ADGRB3: variants seen among roughly 807,000 people sequenced by gnomAD.
ADGRB3 encodes the protein brain-specific angiogenesis inhibitor 3.
A neutral mutation model predicts 193.4 loss-of-function variants in ADGRB3; 37 were observed. The observed-to-expected ratio is 0.19, with a 90% CI of 0.15 to 0.25. ADGRB3 has a LOEUF of 0.25. Among genes scored for constraint, ADGRB3 ranks in the 10% least tolerant of loss-of-function variants. The pLI is 1.00. For synonymous variants in ADGRB3, 690 were observed against 644.2 expected, an observed-to-expected ratio of 1.07 and a Z score of -1.08; for missense variants, 1,637 against 1,852.9, an observed-to-expected ratio of 0.88 and a Z score of 2.14.
intron 3 of ADGRB3, among the ~76,000 whole-genome samples, chr6:68,918,207 G>T (rs776756432): frequency 6.6e-6 from 1 of 152,100 alleles, no homozygotes; most frequent in African/African-American, 2.4e-5. Flanking sequence ...TAGTGCTAAT[G>T]TCTCCTGTAA....
chr6:68,962,125 T>C (rs1768249857), intron 8 of ADGRB3, among the ~76,000 whole-genome samples: 1 of 152,176 alleles, frequency 6.6e-6, no homozygotes, highest in Non-Finnish European at 1.5e-5. Flanking sequence ...ATGTTCTATT[T>C]GTTCTTGCCA....
chr6:68,855,770 G>A (rs1438072148), intron 3 of ADGRB3, among the ~76,000 whole-genome samples: 6 of 152,090 alleles, frequency 3.9e-5, no homozygotes, highest in African/African-American at 1.4e-4. Context: ...TGTAATCCTA[G>A]CATTTCAGAA....
At chr6:68,921,042 G>T (rs1265637469) in intron 3 of ADGRB3, among the ~76,000 whole-genome samples, 1 of 151,904 alleles carries the variant, frequency 6.6e-6, no homozygotes, top group Admixed American at 6.6e-5. Context: ...AGGATATCTC[G>T]AGAAAAAAGT....
chr6:69,047,158 C>A (rs1247228381), intron 13 of ADGRB3, among the ~76,000 whole-genome samples: 1 of 152,160 alleles, frequency 6.6e-6, no homozygotes, highest in Non-Finnish European at 1.5e-5. Flanking sequence ...CGCACCCAGC[C>A]AATGAATTTT....
At chr6:68,991,858 A>C (rs1769247748) in intron 10 of ADGRB3, among the ~76,000 whole-genome samples, 1 of 152,186 alleles carries the variant, frequency 6.6e-6, no homozygotes, top group Non-Finnish European at 1.5e-5. Context: ...TCTCAGAGGA[A>C]ACATGGTAAG....
At chr6:68,658,720 A>G (rs931465790) in intron 3 of ADGRB3, among the ~76,000 whole-genome samples, 6 of 151,262 alleles carry the variant, frequency 4.0e-5, no homozygotes, top group African/African-American at 1.5e-4. Context: ...TGTTTTAGAA[A>G]AATTTAAATG....
chr6:69,361,848 A>G (rs1469430727), intron 29 of ADGRB3, among the ~76,000 whole-genome samples: 1 of 151,866 alleles, frequency 6.6e-6, no homozygotes, highest in Non-Finnish European at 1.5e-5. Flanking sequence ...ATAAATAAAT[A>G]ACAGGATTCT....
At chr6:68,998,356 A>C (rs952269027) in intron 11 of ADGRB3, among the ~76,000 whole-genome samples, 1 of 152,202 alleles carries the variant, frequency 6.6e-6, no homozygotes, top group Non-Finnish European at 1.5e-5. Flanking sequence ...TAAACCAAAA[A>C]AGTGTATAGC....
intron 3 of ADGRB3, among the ~76,000 whole-genome samples, chr6:68,745,406 C>T (rs1268582188): frequency 6.6e-6 from 1 of 151,976 alleles, no homozygotes; most frequent in African/African-American, 2.4e-5. Context: ...TTTATAGCAA[C>T]AGAAACAATG....
At chr6:68,841,815 C>A (rs1238051046) in intron 3 of ADGRB3, among the ~76,000 whole-genome samples, 1 of 151,952 alleles carries the variant, frequency 6.6e-6, no homozygotes, top group East Asian at 1.9e-4. Flanking sequence ...AAAATTAAAA[C>A]AATTGAACAA....
chr6:69,015,859 C>T (rs1770074631), intron 12 of ADGRB3, among the ~76,000 whole-genome samples: 2 of 151,668 alleles, frequency 1.3e-5, no homozygotes, highest in Admixed American at 1.3e-4. Context: ...AAAAAAACTA[C>T]ATTCTATAGA....
At chr6:68,990,718 T>A (rs1282887152) in intron 10 of ADGRB3, among the ~76,000 whole-genome samples, 3 of 152,164 alleles carry the variant, frequency 2.0e-5, no homozygotes, top group Admixed American at 1.3e-4. Context: ...GATGTTTTTG[T>A]TTGAGGATAT....
intron 17 of ADGRB3, among the ~76,000 whole-genome samples, chr6:69,150,185 C>G (rs750769977): frequency 6.6e-6 from 1 of 152,034 alleles, no homozygotes; most frequent in Non-Finnish European, 1.5e-5. Flanking sequence ...TGTATCTTTC[C>G]CTTCAGGGAA....
At chr6:69,093,746 T>C (rs374785456) in intron 17 of ADGRB3, among the ~76,000 whole-genome samples, 26 of 151,422 alleles carry the variant, frequency 1.7e-4, no homozygotes, top group African/African-American at 5.8e-4. Flanking sequence ...AAAGAGAGGG[T>C]GTGACAGCCT....
intron 3 of ADGRB3, among the ~76,000 whole-genome samples, chr6:68,828,306 A>G (rs1767887913): frequency 6.6e-6 from 1 of 152,172 alleles, no homozygotes; most frequent in East Asian, 1.9e-4. Context: ...TCAATATGCC[A>G]GTAAGTAGTT....
At chr6:68,986,805 T>C (rs955070347) in intron 10 of ADGRB3, among the ~76,000 whole-genome samples, 11 of 152,150 alleles carry the variant, frequency 7.2e-5, no homozygotes, top group Non-Finnish European at 2.9e-5. Context: ...TATATAAATA[T>C]GTGATGTTTA....
Position 68,668,907 on chromosome 6 carries a change from A to C in ADGRB3, c.757+29475A>C, listed in dbSNP as rs1361386125. On this transcript the variant is annotated intron_variant, in intron 3 of 31. Transcript: ENST00000370598. The stretch of plus-strand genomic sequence containing the variant: ...AAGTTGATCAGGTTCTCTTGTTACA[A>C]TAAGGAAAACTTTATAAAGTAATCA... Among the ~76,000 whole-genome samples the C allele has an allele frequency of 2.0e-5, 3 of 152,058 alleles. No individual in the cohort carries two copies. In the South Asian group the frequency reaches 6.2e-4, roughly 32 times the overall value.
intron 3 of ADGRB3, among the ~76,000 whole-genome samples, chr6:68,700,751 C>T (rs1394754938): frequency 6.9e-6 from 1 of 144,696 alleles, no homozygotes; most frequent in East Asian, 2.1e-4. Flanking sequence ...TGTTCTCACT[C>T]ACAGGTGGGA....
chr6:68,860,353 AC>A (rs1461305447), intron 3 of ADGRB3, among the ~76,000 whole-genome samples: 2 of 152,140 alleles, frequency 1.3e-5, no homozygotes, highest in African/African-American at 4.8e-5. Context: ...TGAATATTGT[AC>A]CCAATAGTTG....
Sources: allele counts gnomAD v4.1 joint callset (sites outside exome capture counted in the v4.1 genomes callset), GRCh38; gene constraint gnomAD v4.1.1; transcripts MANE v1.5; gene names NCBI Gene and HGNC (gene_info 2026-07-23, HGNC 2026-07-21).